Variants in CADM2 observed in about 807,000 individuals in gnomAD.
CADM2 encodes the protein immunoglobulin superfamily member 4D.
Under a neutral mutation model 49.8 loss-of-function variants are expected in CADM2, and 12 were observed. The observed-to-expected ratio is 0.24, with a 90% CI of 0.15 to 0.39. The LOEUF is 0.39. CADM2 is among the 10% of genes least tolerant of loss of function. The probability of loss-of-function intolerance (pLI) is 1.00; values close to 1 mark genes in which losing one functional copy is unlikely to be tolerated. For synonymous variants in CADM2, 214 were observed against 175.4 expected, an observed-to-expected ratio of 1.22 and a Z score of -1.74; for missense variants, 378 against 492.3, an observed-to-expected ratio of 0.77 and a Z score of 2.20.
intron 1 of CADM2, among the ~76,000 whole-genome samples, chr3:84,991,646 C>T (rs1575987780): frequency 6.6e-6 from 1 of 152,188 alleles, no homozygotes; most frequent in Non-Finnish European, 1.5e-5. Context: ...AATGAAGTTC[C>T]TTGATGTTTT....
intron 1 of CADM2, among the ~76,000 whole-genome samples, chr3:85,156,819 GTGTTGGAAGTTCT>G (rs1364296813): frequency 1.3e-5 from 2 of 152,136 alleles, no homozygotes; most frequent in African/African-American, 4.8e-5. Context: ...ATTCAACATA[GTGTTGGAAGTTCT>G]GGCCAGGGCA....
intron 6 of CADM2, among the ~76,000 whole-genome samples, chr3:85,929,386 T>C (rs529528653): frequency 6.6e-6 from 1 of 152,144 alleles, no homozygotes; most frequent in East Asian, 1.9e-4. Context: ...AATTAACTTA[T>C]AAAACATATT....
intron 1 of CADM2, among the ~76,000 whole-genome samples, chr3:85,513,193 A>G (rs562578721): frequency 6.6e-6 from 1 of 152,170 alleles, no homozygotes; most frequent in East Asian, 1.9e-4. Flanking sequence ...TATCCAGTAT[A>G]GGCAGGCATT....
chr3:85,888,103 CAATT>C (rs1423841762), intron 5 of CADM2, among the ~76,000 whole-genome samples: 1 of 152,144 alleles, frequency 6.6e-6, no homozygotes, highest in Non-Finnish European at 1.5e-5. Context: ...AATTCTGACA[CAATT>C]AGTTAATTAA....
chr3:85,476,637 C>T (rs76350311), intron 1 of CADM2, among the ~76,000 whole-genome samples: 8,901 of 151,792 alleles, frequency 0.059, 595 homozygotes, highest in African/African-American at 0.16. Context: ...TTCTGCAAAC[C>T]GCTCAACCTG....
intron 8 of CADM2, among the ~76,000 whole-genome samples, chr3:86,017,885 T>G (rs1281333727): frequency 6.6e-6 from 1 of 150,420 alleles, no homozygotes; most frequent in African/African-American, 2.4e-5. Context: ...TTTTATTATT[T>G]TTTTATTATA....
At chr3:85,164,675 G>C (rs1231485795) in intron 1 of CADM2, among the ~76,000 whole-genome samples, 9 of 151,978 alleles carry the variant, frequency 5.9e-5, no homozygotes, top group Admixed American at 5.9e-4. Context: ...CAATTGCTGT[G>C]TTTCTTTTAG....
At chr3:86,007,685 T>A (rs6782241) in intron 8 of CADM2, among the ~76,000 whole-genome samples, 30,116 of 152,134 alleles carry the variant, frequency 0.2, 3,160 homozygotes, top group East Asian at 0.27. Flanking sequence ...GTGCTGTGGC[T>A]GGTGATTGGA....
At chr3:85,440,280 C>G (rs936726489) in intron 1 of CADM2, among the ~76,000 whole-genome samples, 1 of 152,128 alleles carries the variant, frequency 6.6e-6, no homozygotes, top group Admixed American at 6.6e-5. Flanking sequence ...CTGTAAAACT[C>G]AGAGATGGAA....
At chr3:85,081,954 GTGATAACT>G (rs1253322840) in intron 1 of CADM2, among the ~76,000 whole-genome samples, 1 of 151,052 alleles carries the variant, frequency 6.6e-6, no homozygotes, top group Non-Finnish European at 1.5e-5. Flanking sequence ...TGAAATGTTT[GTGATAACT>G]AATATCAAAA....
intron 1 of CADM2, among the ~76,000 whole-genome samples, chr3:85,027,919 C>G (rs1219275884): frequency 3.3e-5 from 5 of 152,044 alleles, no homozygotes; most frequent in Non-Finnish European, 7.4e-5. Context: ...AATTATCTCC[C>G]TATAATTTTA....
intron 1 of CADM2, among the ~76,000 whole-genome samples, chr3:85,406,833 A>G (rs2035402196): frequency 6.6e-6 from 1 of 152,070 alleles, no homozygotes; most frequent in Admixed American, 6.6e-5. Flanking sequence ...GTCATACCAC[A>G]GTATTTCTAT....
At chr3:84,989,135 G>A (rs924178325) in intron 1 of CADM2, among the ~76,000 whole-genome samples, 6 of 152,192 alleles carry the variant, frequency 3.9e-5, no homozygotes, top group African/African-American at 1.4e-4. Context: ...TGAAAAAGAA[G>A]TGGGTGATTG....
intron 1 of CADM2, among the ~76,000 whole-genome samples, chr3:85,272,911 A>G (rs536542402): frequency 4.0e-5 from 6 of 151,418 alleles, no homozygotes; most frequent in Admixed American, 3.3e-4. Context: ...AACAACAACA[A>G]CAACAAATAC....
chr3:85,692,791 G>T (rs918159287), intron 1 of CADM2, among the ~76,000 whole-genome samples: 5 of 152,166 alleles, frequency 3.3e-5, no homozygotes, highest in Non-Finnish European at 7.3e-5. Flanking sequence ...TATTTAGCGT[G>T]TAGCCCTACT....
chr3:85,154,467 T>C (rs1280932090), intron 1 of CADM2, among the ~76,000 whole-genome samples: 2 of 152,144 alleles, frequency 1.3e-5, no homozygotes, highest in South Asian at 2.1e-4. Context: ...ATCTGATTGG[T>C]GTACTTGAAA....
At chr3:85,738,370 T>C (rs1311081215) in intron 2 of CADM2, among the ~76,000 whole-genome samples, 2 of 152,212 alleles carry the variant, frequency 1.3e-5, no homozygotes, top group Non-Finnish European at 2.9e-5. Context: ...GAAATATTTT[T>C]TCCTTATAAA....
chr3:85,712,054 AAAAGTATTTTGTTCCTCTCTTCAGTGAC>A, intron 1 of CADM2, among the ~76,000 whole-genome samples: 1 of 152,162 alleles, frequency 6.6e-6, no homozygotes, highest in Non-Finnish European at 1.5e-5. Flanking sequence ...TGACTTGATA[AAAAGTATTTTGTTCCTCTCTTCAGTGAC>A]GAAACTTATT....
At chr3:85,550,190 T>G (rs370648421) in intron 1 of CADM2, among the ~76,000 whole-genome samples, 7 of 152,286 alleles carry the variant, frequency 4.6e-5, no homozygotes, top group Middle Eastern at 3.4e-3. Flanking sequence ...TGCTCTAGTT[T>G]ATTACATTTT....
Sources: gnomAD v4.1 joint callset for allele counts (sites outside exome capture counted in the v4.1 genomes callset) on GRCh38, gnomAD v4.1.1 for gene constraint, MANE v1.5 for transcripts, NCBI Gene and HGNC (gene_info 2026-07-23, HGNC 2026-07-21) for gene names.